The following SOS2 variants were observed in gnomAD, a reference collection of about 807,000 sequenced individuals.
SOS2 encodes the protein son of sevenless homolog 2.
Under a neutral mutation model 148.2 loss-of-function variants are expected in SOS2, and 65 were observed. The ratio of observed to expected loss-of-function variants is 0.44; its 90% CI spans 0.36 to 0.54. SOS2 has a LOEUF of 0.54. Among genes scored for constraint, SOS2 ranks in the 20% least tolerant of loss-of-function variants. The pLI is 0.00. For missense variants in SOS2, 1,341 were observed against 1,590.2 expected (o/e 0.84, Z 2.67); for synonymous variants, 539 against 537.1 (o/e 1.00, Z -0.05).
At position 50,159,716 on chromosome 14, in the gene SOS2, T is replaced by C. The variant is rs1884934797; in HGVS notation, c.1567A>G (p.Ile523Val). 1.2e-6 allele frequency: 2 copies of C among 1,614,032 alleles called. No homozygotes were observed. The highest frequency in any genetic ancestry group is 1.7e-6 in the Non-Finnish European group (2 of 1,179,928). ...ELVSKDENSIIFAAKSAEEKN... is the reference protein window; with the variant it reads ...ELVSKDENSIVFAAKSAEEKN... Reference sequence around the variant, plus strand: ...TCTTCAGCAGACTTAGCAGCAAATATTATGCTGTTCTCATCTTTGGATACT... The same window carrying C: ...TCTTCAGCAGACTTAGCAGCAAATACTATGCTGTTCTCATCTTTGGATACT... Residue 523 changes from isoleucine (I) to valine (V), a missense_variant, in exon 10 of 23, where the codon ATA becomes GTA. Coordinates refer to ENST00000216373, the MANE Select transcript of SOS2 (RefSeq NM_006939.4).
intron 4 of SOS2, among the ~76,000 whole-genome samples, chr14:50,194,545 G>A (rs1158627316): frequency 2.0e-5 from 3 of 147,502 alleles, no homozygotes; most frequent in Admixed American, 6.8e-5. Flanking sequence ...GGAGGCTGAG[G>A]TGGATAGATC....
intron 18 of SOS2, 27 bp downstream of exon 18, chr14:50,138,585 C>A: frequency 7.8e-7 from 1 of 1,286,128 alleles, no homozygotes; most frequent in Non-Finnish European, 1.1e-6. Context: ...ACGTTCTCTT[C>A]TAAAGATATG....
At chr14:50,157,160 A>G (rs1298187306) in intron 11 of SOS2, 39 bp from the exon 12 acceptor site, 11 of 1,588,258 alleles carry the variant, frequency 6.9e-6, no homozygotes, top group Admixed American at 1.8e-5. Flanking sequence ...CCGTTCATAC[A>G]TAATGAAAAT....
intron 7 of SOS2, among the ~76,000 whole-genome samples, chr14:50,177,049 AG>A (rs1885544496): frequency 2.0e-5 from 3 of 152,134 alleles, no homozygotes; most frequent in Non-Finnish European, 4.4e-5. Flanking sequence ...CAAAGCCTTA[AG>A]TTCTAACTTC....
At chr14:50,189,998 G>A (rs997306717) in intron 4 of SOS2, among the ~76,000 whole-genome samples, 2 of 151,742 alleles carry the variant, frequency 1.3e-5, no homozygotes, top group Admixed American at 6.6e-5. Flanking sequence ...ACAGGTGCAC[G>A]CCACCATGCC....
chr14:50,132,292 G>A (rs1389781586), intron 19 of SOS2, among the ~76,000 whole-genome samples: 1 of 148,614 alleles, frequency 6.7e-6, no homozygotes, highest in African/African-American at 2.5e-5. Flanking sequence ...TGAGGCAGGA[G>A]GATCATTTAA....
chr14:50,134,264 T>A (rs757307196), intron 18 of SOS2, 25 bp from the exon 19 acceptor site: 3 of 1,038,936 alleles, frequency 2.9e-6, no homozygotes, highest in Non-Finnish European at 4.5e-6. Context: ...ATAACACAAG[T>A]GCATATATAG....
intron 16 of SOS2, among the ~76,000 whole-genome samples, chr14:50,143,789 C>A (rs567222816): frequency 3.2e-4 from 49 of 150,952 alleles, no homozygotes; most frequent in African/African-American, 9.2e-4. Flanking sequence ...GCGATTTCTG[C>A]CCCCGCCAGA....
chr14:50,147,862 C>T (rs1253282602), intron 14 of SOS2, among the ~76,000 whole-genome samples: 1 of 152,012 alleles, frequency 6.6e-6, no homozygotes, highest in Non-Finnish European at 1.5e-5. Context: ...TGGCTCACAC[C>T]TGTAATCCCA....
intron 1 of SOS2, among the ~76,000 whole-genome samples, chr14:50,209,302 T>C (rs1566481174): frequency 6.6e-6 from 1 of 151,322 alleles, no homozygotes; most frequent in Non-Finnish European, 1.5e-5. Flanking sequence ...TGTGTGTGTG[T>C]GTGTGTGTGT....
intron 5 of SOS2, among the ~76,000 whole-genome samples, chr14:50,187,221 A>C (rs986596465): frequency 3.9e-5 from 6 of 152,110 alleles, no homozygotes; most frequent in African/African-American, 7.2e-5. Flanking sequence ...TCTGTTACCC[A>C]GGCTGGTCTC....
Position 50,178,666 on chromosome 14 carries a change from GTGTGCATATATATATATATATA to G in SOS2, c.969+1884_969+1905del, listed in dbSNP as rs1338525185. Among the ~76,000 whole-genome samples the G allele has an allele frequency of 1.0e-3, 71 of 70,062 alleles. 1 individual carries two copies. Among genetic ancestry groups the G allele is most frequent in the South Asian group, 2.1e-3 (5 of 2,358 alleles). The allele number at this position is 70,062 out of a possible 152,430, so 46.0% of individuals were successfully genotyped here. A position where few individuals can be genotyped will look rare whatever the true frequency, so the allele number is the denominator to read the frequency against. The stretch of plus-strand genomic sequence containing the variant: ...CCCGCTAGTGTGTGTGTGTGTGTGT[GTGTGCATATATATATATATATA>G]TATATATATATATATATATATATAC... On this transcript the variant is annotated intron_variant, in intron 7 of 22. Coordinates refer to ENST00000216373, the MANE Select transcript of SOS2 (RefSeq NM_006939.4).
intron 2 of SOS2, 136 bp from the exon 3 acceptor site, chr14:50,201,220 A>G: frequency 1.2e-6 from 1 of 840,138 alleles, no homozygotes; most frequent in Non-Finnish European, 1.8e-6. Flanking sequence ...TTCCTGTAAT[A>G]AATAAATTTT....
At chr14:50,156,899 C>T (rs1354539866) in intron 12 of SOS2, 100 bp downstream of exon 12, 1 of 610,474 alleles carries the variant, frequency 1.6e-6, no homozygotes, top group Admixed American at 3.1e-5. Flanking sequence ...AAGCTGAGAG[C>T]TTTTGTGTTA....
intron 6 of SOS2, among the ~76,000 whole-genome samples, chr14:50,181,308 C>T (rs1366138390): frequency 6.6e-6 from 1 of 151,974 alleles, no homozygotes; most frequent in Admixed American, 6.6e-5. Flanking sequence ...ATTAGCTGGG[C>T]GTGGTGGCAG....
At chr14:50,199,067 C>T (rs895199919) in intron 4 of SOS2, among the ~76,000 whole-genome samples, 2 of 152,112 alleles carry the variant, frequency 1.3e-5, no homozygotes, top group African/African-American at 4.8e-5. Flanking sequence ...ATAGGAGGAT[C>T]GCTTGAGCCA....
At chr14:50,156,774 A>T (rs1384908581) in intron 12 of SOS2, 2 of 234,672 alleles carry the variant, frequency 8.5e-6, no homozygotes, top group African/African-American at 4.5e-5. Context: ...CAAACATAGG[A>T]TATTTAAATA....
intron 4 of SOS2, among the ~76,000 whole-genome samples, chr14:50,192,303 C>T (rs1886166938): frequency 6.6e-6 from 1 of 152,162 alleles, no homozygotes; most frequent in South Asian, 2.1e-4. Context: ...CGCCTATAAT[C>T]CCAGAACTTT....
intron 4 of SOS2, among the ~76,000 whole-genome samples, chr14:50,194,608 T>C (rs1294764908): frequency 6.6e-6 from 1 of 150,604 alleles, no homozygotes; most frequent in African/African-American, 2.4e-5. Context: ...AAATCCCATC[T>C]CCACTAAAAA....
Sources: allele counts gnomAD v4.1 joint callset (sites outside exome capture counted in the v4.1 genomes callset), GRCh38; gene constraint gnomAD v4.1.1; transcripts MANE v1.5; gene names NCBI Gene and HGNC (gene_info 2026-07-23, HGNC 2026-07-21).